ATXN7L1: variants seen among roughly 807,000 people sequenced by gnomAD.
ATXN7L1 encodes ataxin 7 like 1, also known as ataxin-7-like protein 1.
ATXN7L1 carries 15 observed loss-of-function variants against 70.8 expected under a neutral mutation model. That is an observed-to-expected ratio of 0.21 (90% CI 0.14 to 0.33). The LOEUF (loss-of-function observed/expected upper bound fraction) is 0.33, where lower values mean the gene tolerates loss of function less well. ATXN7L1 is among the 10% of genes least tolerant of loss of function. ATXN7L1 has a pLI of 1.00. For synonymous variants in ATXN7L1, 440 were observed against 445.1 expected (o/e 0.99, Z 0.14); for missense variants, 975 against 1,097.1 (o/e 0.89, Z 1.57).
chr7:105,656,678 G>C (rs1232730737), intron 4 of ATXN7L1, among the ~76,000 whole-genome samples: 7 of 150,042 alleles, frequency 4.7e-5, no homozygotes, highest in Non-Finnish European at 1.0e-4. Context: ...TCAAGCGATT[G>C]TCTTGCCTCA....
At chr7:105,848,084 A>C (rs984443000) in intron 2 of ATXN7L1, among the ~76,000 whole-genome samples, 1 of 152,358 alleles carries the variant, frequency 6.6e-6, no homozygotes, top group Admixed American at 6.5e-5. Context: ...GGCCAATGGA[A>C]AATTAAGCAA....
chr7:105,825,346 A>G (rs190084378), intron 2 of ATXN7L1, among the ~76,000 whole-genome samples: 1 of 152,192 alleles, frequency 6.6e-6, no homozygotes, highest in African/African-American at 2.4e-5. Context: ...AGCTGTTGTC[A>G]CAGACCAGCA....
chr7:105,685,407 A>C (rs1368485814), intron 3 of ATXN7L1, among the ~76,000 whole-genome samples: 1 of 152,216 alleles, frequency 6.6e-6, no homozygotes, highest in East Asian at 1.9e-4. Flanking sequence ...CTGTGAAGCC[A>C]AGGAGGAACC....
chr7:105,749,031 G>A (rs77822869), intron 3 of ATXN7L1, among the ~76,000 whole-genome samples: 2,875 of 152,270 alleles, frequency 0.019, 88 homozygotes, highest in African/African-American at 0.064. Flanking sequence ...GAACAGCTTG[G>A]GGGCACAGGA....
chr7:105,748,262 T>C (rs1798804774), intron 3 of ATXN7L1, among the ~76,000 whole-genome samples: 1 of 152,192 alleles, frequency 6.6e-6, no homozygotes, highest in South Asian at 2.1e-4. Flanking sequence ...GCAGACTTAG[T>C]CTGCATTTGT....
chr7:105,863,149 A>C (rs1412517925), intron 2 of ATXN7L1, among the ~76,000 whole-genome samples: 1 of 152,184 alleles, frequency 6.6e-6, no homozygotes, highest in African/African-American at 2.4e-5. Context: ...AAGGAGGAAA[A>C]AGAGAGAAAT....
chr7:105,714,552 TC>T (rs1385169085), intron 3 of ATXN7L1, among the ~76,000 whole-genome samples: 2 of 152,216 alleles, frequency 1.3e-5, no homozygotes, highest in African/African-American at 4.8e-5. Flanking sequence ...TGAGATCCTG[TC>T]CAGGTCAGTT....
At chr7:105,706,938 G>C (rs1020061297) in intron 3 of ATXN7L1, among the ~76,000 whole-genome samples, 3 of 152,222 alleles carry the variant, frequency 2.0e-5, no homozygotes, top group Non-Finnish European at 4.4e-5. Context: ...ATGGCAAATA[G>C]TTAGGTTTTC....
chr7:105,851,195 C>T (rs961665154), intron 2 of ATXN7L1, among the ~76,000 whole-genome samples: 2 of 152,148 alleles, frequency 1.3e-5, no homozygotes, highest in African/African-American at 4.8e-5. Context: ...TGACTTATCC[C>T]TAATCTTCCT....
chr7:105,859,911 T>G (rs1221095058), intron 2 of ATXN7L1, among the ~76,000 whole-genome samples: 1 of 149,972 alleles, frequency 6.7e-6, no homozygotes, highest in Non-Finnish European at 1.5e-5. Flanking sequence ...GCCTCCCAAG[T>G]AGCTGGGGTT....
intron 2 of ATXN7L1, among the ~76,000 whole-genome samples, chr7:105,812,132 G>T (rs1808518451): frequency 6.6e-6 from 1 of 152,154 alleles, no homozygotes; most frequent in African/African-American, 2.4e-5. Flanking sequence ...CAACCTTAGT[G>T]CTCATCTCCT....
chr7:105,701,920 T>A (rs1792510828), intron 3 of ATXN7L1, among the ~76,000 whole-genome samples: 1 of 152,206 alleles, frequency 6.6e-6, no homozygotes, highest in African/African-American at 2.4e-5. Flanking sequence ...ACTTTTAACG[T>A]CATGTTCTCT....
At chr7:105,733,681 C>CCAT (rs1796966616) in intron 3 of ATXN7L1, among the ~76,000 whole-genome samples, 1 of 6,456 alleles carries the variant, frequency 1.5e-4, no homozygotes, top group Non-Finnish European at 3.3e-4. Flanking sequence ...CATCCATCCA[C>CCAT]CCATCCACCC....
chr7:105,833,987 TG>T (rs1812007813), intron 2 of ATXN7L1, among the ~76,000 whole-genome samples: 1 of 152,240 alleles, frequency 6.6e-6, no homozygotes, highest in South Asian at 2.1e-4. Flanking sequence ...GTATTCAACA[TG>T]GTTTACTGAA....
At chr7:105,869,309 T>A (rs1817909640) in intron 2 of ATXN7L1, among the ~76,000 whole-genome samples, 1 of 152,210 alleles carries the variant, frequency 6.6e-6, no homozygotes, top group Non-Finnish European at 1.5e-5. Context: ...TTGAAATTAA[T>A]GGTAAAAATG....
intron 3 of ATXN7L1, among the ~76,000 whole-genome samples, chr7:105,782,099 G>T (rs1722083933): frequency 6.6e-6 from 1 of 152,194 alleles, no homozygotes; most frequent in African/African-American, 2.4e-5. Context: ...CTCCCAAAGT[G>T]CTGGGATTAC....
intron 3 of ATXN7L1, among the ~76,000 whole-genome samples, chr7:105,779,243 G>A (rs192438732): frequency 3.9e-5 from 6 of 152,258 alleles, no homozygotes; most frequent in African/African-American, 7.2e-5. Context: ...AAGATAACAC[G>A]ACCAGATATC....
intron 3 of ATXN7L1, among the ~76,000 whole-genome samples, chr7:105,753,429 G>A (rs1356119854): frequency 6.6e-6 from 1 of 152,188 alleles, no homozygotes; most frequent in Non-Finnish European, 1.5e-5. Context: ...TTTTAACTCT[G>A]TTATAGATGA....
At chr7:105,787,742 T>C (rs1260138297) in intron 3 of ATXN7L1, among the ~76,000 whole-genome samples, 2 of 152,210 alleles carry the variant, frequency 1.3e-5, no homozygotes, top group African/African-American at 4.8e-5. Flanking sequence ...TTAGGCACAA[T>C]AGAATGTACT....
Sources: gnomAD v4.1 joint callset for allele counts (sites outside exome capture counted in the v4.1 genomes callset) on GRCh38, gnomAD v4.1.1 for gene constraint, MANE v1.5 for transcripts, NCBI Gene and HGNC (gene_info 2026-07-23, HGNC 2026-07-21) for gene names.